Variants in FSTL5 observed in about 807,000 individuals in gnomAD.
The protein encoded by FSTL5 is follistatin-related protein 5.
In FSTL5, 62 loss-of-function variants were observed where a neutral mutation model predicts 89.1. That is an observed-to-expected ratio of 0.70 (90% CI 0.57 to 0.86). FSTL5 has a LOEUF of 0.86. Among genes scored for constraint, FSTL5 ranks in the 40% least tolerant of loss-of-function variants. The pLI is 0.00. For synonymous variants in FSTL5, 383 were observed against 346.2 expected (o/e 1.11, Z -1.18); for missense variants, 1,057 against 1,001.6 (o/e 1.06, Z -0.75).
chr4:161,972,395 A>G (rs570448845), intron 3 of FSTL5, among the ~76,000 whole-genome samples: 1 of 152,286 alleles, frequency 6.6e-6, no homozygotes, highest in South Asian at 2.1e-4. Context: ...TTAATAATGC[A>G]ATTTAGAAAA....
chr4:161,573,414 A>C (rs1733094183), intron 8 of FSTL5, among the ~76,000 whole-genome samples: 1 of 13,722 alleles, frequency 7.3e-5, no homozygotes, highest in Non-Finnish European at 2.1e-4. Flanking sequence ...AACCCTGTCA[A>C]AAAAAAAAAA....
intron 2 of FSTL5, among the ~76,000 whole-genome samples, chr4:162,101,943 C>T (rs1483272057): frequency 6.6e-6 from 1 of 152,118 alleles, no homozygotes; most frequent in Non-Finnish European, 1.5e-5. Flanking sequence ...TATCTTTAGT[C>T]ATTCACCTAT....
At chr4:161,804,832 G>C (rs1288315928) in intron 4 of FSTL5, among the ~76,000 whole-genome samples, 1 of 151,928 alleles carries the variant, frequency 6.6e-6, no homozygotes, top group Non-Finnish European at 1.5e-5. Flanking sequence ...TGTTGTGGAT[G>C]ATATAGTTGG....
intron 6 of FSTL5, among the ~76,000 whole-genome samples, chr4:161,700,800 C>CATTT (rs1458038423): frequency 1.3e-5 from 2 of 152,102 alleles, no homozygotes; most frequent in African/African-American, 4.8e-5. Context: ...TTAATTGGTA[C>CATTT]ATTTATATGT....
intron 1 of FSTL5, among the ~76,000 whole-genome samples, chr4:162,156,873 C>T (rs1393154710): frequency 6.6e-6 from 1 of 152,082 alleles, no homozygotes. Context: ...CAAGCATGCA[C>T]ATATATCCCC....
At chr4:161,521,644 C>T (rs1018418364) in intron 10 of FSTL5, among the ~76,000 whole-genome samples, 8 of 151,730 alleles carry the variant, frequency 5.3e-5, no homozygotes, top group Non-Finnish European at 5.9e-5. Context: ...GTCAGGAGAT[C>T]GAGACCATCC....
intron 4 of FSTL5, among the ~76,000 whole-genome samples, chr4:161,807,363 G>A (rs577189704): frequency 6.6e-6 from 1 of 152,204 alleles, no homozygotes; most frequent in South Asian, 2.1e-4. Context: ...ATGGTTCCTA[G>A]CCCAGGAGAT....
intron 2 of FSTL5, among the ~76,000 whole-genome samples, chr4:162,105,203 T>A (rs1731172887): frequency 6.6e-6 from 1 of 152,198 alleles, no homozygotes; most frequent in Non-Finnish European, 1.5e-5. Context: ...TATTTACCAT[T>A]TATTTTCTTT....
chr4:162,044,306 G>A (rs961567467), intron 2 of FSTL5, among the ~76,000 whole-genome samples: 1 of 152,172 alleles, frequency 6.6e-6, no homozygotes, highest in Non-Finnish European at 1.5e-5. Context: ...CAGTGCTTAA[G>A]GGATGACCAG....
At chr4:162,043,198 C>T (rs1402998458) in intron 2 of FSTL5, 7 of 152,098 alleles carry the variant, frequency 4.6e-5, no homozygotes, top group Non-Finnish European at 1.0e-4. Flanking sequence ...TTGTTTTGTA[C>T]TACTAAGCTT....
intron 1 of FSTL5, among the ~76,000 whole-genome samples, chr4:162,140,977 G>A (rs1212439034): frequency 1.3e-5 from 2 of 151,982 alleles, no homozygotes; most frequent in Non-Finnish European, 2.9e-5. Flanking sequence ...AGGTGTTTGG[G>A]TCATGGGGGT....
At chr4:161,817,724 G>A (rs1251355144) in intron 4 of FSTL5, among the ~76,000 whole-genome samples, 1 of 151,994 alleles carries the variant, frequency 6.6e-6, no homozygotes, top group Non-Finnish European at 1.5e-5. Flanking sequence ...ATGTGCGTGT[G>A]CCTGTGTGCA....
chr4:161,611,154 G>GTGTGTATATATATA (rs1560978149), intron 7 of FSTL5, among the ~76,000 whole-genome samples: 2 of 147,140 alleles, frequency 1.4e-5, no homozygotes, highest in Non-Finnish European at 3.0e-5. Flanking sequence ...ATATATATGT[G>GTGTGTATATATATA]TGTGTATATA....
At chr4:161,810,313 A>T (rs992895438) in intron 4 of FSTL5, among the ~76,000 whole-genome samples, 2 of 152,182 alleles carry the variant, frequency 1.3e-5, no homozygotes, top group Non-Finnish European at 2.9e-5. Flanking sequence ...TTTAATGATT[A>T]GTGTAATACT....
chr4:161,805,909 A>G (rs540758520), intron 4 of FSTL5, among the ~76,000 whole-genome samples: 1 of 152,200 alleles, frequency 6.6e-6, no homozygotes, highest in East Asian at 1.9e-4. Flanking sequence ...AGATATTCTG[A>G]GAGAGAGTGA....
chr4:161,673,150 G>A (rs1484222615), intron 6 of FSTL5, among the ~76,000 whole-genome samples: 3 of 152,108 alleles, frequency 2.0e-5, no homozygotes, highest in South Asian at 4.1e-4. Context: ...ATAATGTACT[G>A]GATTTAAATT....
chr4:161,619,474 G>A (rs912575856), intron 7 of FSTL5, among the ~76,000 whole-genome samples: 1 of 152,084 alleles, frequency 6.6e-6, no homozygotes, highest in Middle Eastern at 3.2e-3. Flanking sequence ...AATCTACAAT[G>A]AACTCAAATA....
chr4:161,428,999 T>C (rs762499184), intron 15 of FSTL5, among the ~76,000 whole-genome samples: 3 of 152,082 alleles, frequency 2.0e-5, no homozygotes, highest in Non-Finnish European at 4.4e-5. Context: ...AGCCCACTGC[T>C]GTGAAGTAAG....
intron 11 of FSTL5, among the ~76,000 whole-genome samples, chr4:161,503,877 T>C (rs1450475740): frequency 6.6e-6 from 1 of 152,044 alleles, no homozygotes; most frequent in African/African-American, 2.4e-5. Flanking sequence ...AATGATATGA[T>C]TTTGGGCCAA....
Sources: gnomAD v4.1 joint callset for allele counts (sites outside exome capture counted in the v4.1 genomes callset) on GRCh38, gnomAD v4.1.1 for gene constraint, MANE v1.5 for transcripts, NCBI Gene and HGNC (gene_info 2026-07-23, HGNC 2026-07-21) for gene names.